The following MROH1 variants were observed in gnomAD, a reference collection of about 807,000 sequenced individuals.
The protein encoded by MROH1 is maestro heat like repeat family member 1.
Under a neutral mutation model 116.5 loss-of-function variants are expected in MROH1, and 117 were observed. That is an observed-to-expected ratio of 1.00 (90% confidence interval 0.86 to 1.17). MROH1 has a LOEUF of 1.17. MROH1 is among the 50% of genes most tolerant of loss of function. The probability of loss-of-function intolerance (pLI) is 0.00; values close to 1 mark genes in which losing one functional copy is unlikely to be tolerated. For synonymous variants in MROH1, 921 were observed against 583.9 expected, an observed-to-expected ratio of 1.58 and a Z score of -8.32; for missense variants, 1,873 against 1,338.5, an observed-to-expected ratio of 1.40 and a Z score of -6.23.
chr8:144,199,682 C>G (rs945183756), intron 11 of MROH1, among the ~76,000 whole-genome samples: 3 of 152,174 alleles, frequency 2.0e-5, no homozygotes, highest in Non-Finnish European at 2.9e-5. Context: ...CCTGGAGGGG[C>G]AGCAGATGGT....
chr8:144,195,219 A>AAAAAAAAAAAAAAAAAAAAAAAT (rs1829573222), intron 10 of MROH1, among the ~76,000 whole-genome samples: 1 of 141,932 alleles, frequency 7.0e-6, no homozygotes, highest in East Asian at 2.2e-4. Context: ...AAAAAAAAAA[A>AAAAAAAAAAAAAAAAAAAAAAAT]GGCCGAGTGC....
chr8:144,261,721 G>A lies in MROH1; in HGVS notation c.4907G>A (p.Arg1636His), dbSNP rs1207019808. 3.6e-5 allele frequency: 26 copies of A among 718,754 alleles called. 1 individual carries two copies. The highest frequency in any genetic ancestry group is 2.2e-4 in the South Asian group (15 of 68,292). 44.5% of individuals were successfully genotyped at this position (718,754 alleles called of 1,614,324 possible). ...VRTRAAEALG[R>H]LVKLA ...ACGAGGGCTGCTGAGGCCCTGGGCC[G>A]CCTGGTGAAGCTCGCCTAAGGCTCC... The change falls in exon 44 of 44, where the codon CGC (arginine) becomes CAC (histidine). Residue 1636 changes from arginine (R) to histidine (H), a missense_variant. Coordinates refer to ENST00000326134, the MANE Select transcript of MROH1 (RefSeq NM_032450.3).
At chr8:144,260,544 C>T (rs1053351648) in intron 39 of MROH1, 133 bp from the exon 40 acceptor site, 56 of 749,408 alleles carry the variant, frequency 7.5e-5, no homozygotes, top group Admixed American at 1.9e-4. Flanking sequence ...AGCCCCCACC[C>T]GTAAGGCCCC....
At chr8:144,213,752 C>T (rs748265558) in intron 12 of MROH1, among the ~76,000 whole-genome samples, 3 of 152,036 alleles carry the variant, frequency 2.0e-5, no homozygotes, top group Non-Finnish European at 4.4e-5. Flanking sequence ...TCACACACTG[C>T]ACTCCAGCCT....
intron 7 of MROH1, among the ~76,000 whole-genome samples, chr8:144,184,078 A>T (rs1826346195): frequency 1.3e-5 from 2 of 152,184 alleles, no homozygotes; most frequent in African/African-American, 2.4e-5. Context: ...TTCTTTTAGA[A>T]TTTCTTTTAA....
chr8:144,206,973 C>T (rs541617187), intron 12 of MROH1, among the ~76,000 whole-genome samples: 1 of 149,708 alleles, frequency 6.7e-6, no homozygotes, highest in African/African-American at 2.4e-5. Context: ...GCAGAGGTTG[C>T]AGTGAGCCAA....
intron 14 of MROH1, among the ~76,000 whole-genome samples, chr8:144,227,793 T>TA (rs909786389): frequency 2.0e-4 from 30 of 146,548 alleles, no homozygotes; most frequent in Middle Eastern, 3.6e-3. Flanking sequence ...CTACAAATAA[T>TA]AAAAAAAAAA....
At position 144,256,613 on chromosome 8, in the gene MROH1, G is replaced by C. The variant is rs1037360883; in HGVS notation, c.3791+908G>C. ...CCTGGGCCTGGCCTGCTGCGAATCAGTGCCTCCGCCCCGAGCTGTAGGGCT... is the reference window on the plus strand; with the variant it reads ...CCTGGGCCTGGCCTGCTGCGAATCACTGCCTCCGCCCCGAGCTGTAGGGCT... On this transcript the variant is annotated intron_variant, in intron 35 of 43. Transcript: ENST00000326134. 2.4e-4 allele frequency among the ~76,000 whole-genome samples: 37 copies of C among 152,360 alleles called. No individual in the cohort carries two copies. In the South Asian group the frequency reaches 5.0e-3, roughly 20 times the overall value.
At chr8:144,158,018 A>G (rs1354513729) in intron 1 of MROH1, among the ~76,000 whole-genome samples, 11 of 81,562 alleles carry the variant, frequency 1.3e-4, no homozygotes, top group South Asian at 3.8e-4. Context: ...TTTGAGATGG[A>G]GTCTGGCTCT....
rs1844796600 is a variant in MROH1, at chr8:144,260,390, C to A, written c.4380+16C>A. On this transcript the variant is annotated intron_variant, in intron 39 of 43. Transcript: ENST00000326134. ...CTTCGACAGTGTAGGCTGGTTGGGG[C>A]AGGGGGAGGGAAGAGGGCCCCAGCC... 1.4e-6 allele frequency: 1 copy of A among 709,694 alleles called. No individual in the cohort carries two copies. The highest frequency in any genetic ancestry group is 2.6e-6 in the Non-Finnish European group (1 of 388,598). 44.0% of individuals were successfully genotyped at this position (709,694 alleles called of 1,614,324 possible).
rs752758353 is a variant in MROH1, at chr8:144,180,226, G to A, written c.349G>A (p.Val117Met). The A allele has an allele frequency of 1.9e-5, 30 of 1,613,544 alleles. No homozygotes were observed. The highest frequency in any genetic ancestry group is 5.3e-5 in the African/African-American group (4 of 74,930). Reference sequence around the variant, plus strand: ...GGCGGCGAGTGGCGTCCTGGTGGCCGTGGGAAGACAGTTCATCAGCAAGGT... The same window carrying A: ...GGCGGCGAGTGGCGTCCTGGTGGCCATGGGAAGACAGTTCATCAGCAAGGT... ...QQAASGVLVAVGRQFISKVME... is the reference protein window; with the variant it reads ...QQAASGVLVAMGRQFISKVME... Residue 117 changes from valine to methionine, a missense_variant, in exon 6 of 44, where the codon GTG (valine) becomes ATG (methionine). By Grantham distance (21) the Val-to-Met change is conservative. Transcript: ENST00000326134. The surrounding 1 kb of genome is among the most constrained non-coding windows in gnomAD (Gnocchi z 7.4).
rs184561673 is a variant in MROH1 at position 144,202,286 on chromosome 8, C to G, written c.1141+1745C>G. On this transcript the variant is annotated intron_variant, in intron 12 of 43. Coordinates refer to ENST00000326134, the MANE Select transcript of MROH1 (RefSeq NM_032450.3). ...AGGGGCGGGGAGGGGAGAGCCCGCT[C>G]TCTGTGGAGGGGTTGGGAAGGCAGC... is the stretch of plus-strand genomic sequence containing the variant. 9.5e-3 allele frequency among the ~76,000 whole-genome samples: 1,426 copies of G among 150,330 alleles called. 11 individuals are homozygous for G. The highest frequency in any genetic ancestry group is 0.015 in the Non-Finnish European group (992 of 67,462).
chr8:144,211,691 A>G (rs1588207358), intron 12 of MROH1, among the ~76,000 whole-genome samples: 1 of 151,446 alleles, frequency 6.6e-6, no homozygotes, highest in Non-Finnish European at 1.5e-5. Context: ...GCGACACTGC[A>G]CTCCAGCCTG....
intron 12 of MROH1, among the ~76,000 whole-genome samples, chr8:144,208,532 C>T (rs1167262735): frequency 6.6e-6 from 1 of 151,966 alleles, no homozygotes; most frequent in East Asian, 1.9e-4. Context: ...AGGGCCCACC[C>T]TACTCCAGTG....
At chr8:144,228,876 G>T (rs183885048) in intron 14 of MROH1, among the ~76,000 whole-genome samples, 1 of 152,318 alleles carries the variant, frequency 6.6e-6, no homozygotes, top group Admixed American at 6.5e-5. Flanking sequence ...ACCCACAGTA[G>T]ATCTTTCAAA....
At chr8:144,151,247 CAAAAAAAAAAA>C (rs1160118892) in intron 1 of MROH1, among the ~76,000 whole-genome samples, 6 of 22,966 alleles carry the variant, frequency 2.6e-4, no homozygotes, top group East Asian at 1.5e-3. Flanking sequence ...TATTCTGTCT[CAAAAAAAAAAA>C]AAAAAAAAAA....
chr8:144,172,282 T>C (rs1822645661), intron 4 of MROH1, among the ~76,000 whole-genome samples: 1 of 152,232 alleles, frequency 6.6e-6, no homozygotes, highest in South Asian at 2.1e-4. Flanking sequence ...TTACTATCTA[T>C]TATCTCTGAA....
intron 12 of MROH1, among the ~76,000 whole-genome samples, chr8:144,218,494 C>T (rs1027948270): frequency 9.2e-5 from 14 of 151,652 alleles, no homozygotes; most frequent in African/African-American, 2.7e-4. Flanking sequence ...TCACATCTTT[C>T]GTCTTTCTGT....
intron 33 of MROH1, among the ~76,000 whole-genome samples, chr8:144,254,004 C>T (rs1339691993): frequency 1.9e-4 from 29 of 152,060 alleles, no homozygotes. Flanking sequence ...GTATATTTCA[C>T]CAGTTCTGAA....
Sources: gnomAD v4.1 joint callset for allele counts (sites outside exome capture counted in the v4.1 genomes callset) on GRCh38, gnomAD v4.1.1 for gene constraint, Gnocchi (gnomAD v3.1) non-coding constraint, MANE v1.5 for transcripts, NCBI Gene and HGNC (gene_info 2026-07-23, HGNC 2026-07-21) for gene names.